HECTD4: variants seen among roughly 807,000 people sequenced by gnomAD.
HECTD4 encodes the protein HECT domain E3 ubiquitin protein ligase 4.
A neutral mutation model predicts 471.5 loss-of-function variants in HECTD4; 114 were observed. That is an observed-to-expected ratio of 0.24 (90% CI 0.21 to 0.28). The LOEUF is 0.28. Ranked by LOEUF, HECTD4 falls within the 10% of genes least tolerant of loss-of-function variation. HECTD4 has a pLI of 1.00. For synonymous variants in HECTD4, 2,012 were observed against 2,256.0 expected, an observed-to-expected ratio of 0.89 and a Z score of 3.07; for missense variants, 3,866 against 5,651.5, an observed-to-expected ratio of 0.68 and a Z score of 10.13.
At chr12:112,167,195 A>G in intron 72 of HECTD4, 122 bp downstream of exon 72, 1 of 809,440 alleles carries the variant, frequency 1.2e-6, no homozygotes, top group Admixed American at 2.7e-5. Context: ...TCACACCCCT[A>G]AGGTCCTCTG....
chr12:112,162,595 C>T lies in HECTD4; in HGVS notation c.13121-72G>A. The stretch of plus-strand genomic sequence containing the variant: ...AGGCTCCCAGGGAAGCTGGGCTGGC[C>T]TCTGCTTCCAGGTTTGCCTCCTTGG... On this transcript the variant is annotated intron_variant, in intron 75 of 75. Coordinates refer to ENST00000682272, the MANE Select transcript of HECTD4 (RefSeq NM_001388303.1). This position sits in a 1 kb window ranked among gnomAD's most constrained non-coding sequence, Gnocchi z 5.2. The T allele has an allele frequency of 6.3e-7, 1 of 1,594,430 alleles. No homozygotes were observed. The highest frequency in any genetic ancestry group is 8.6e-7 in the Non-Finnish European group (1 of 1,168,040).
At chr12:112,318,975 G>T (rs1240643366) in intron 2 of HECTD4, among the ~76,000 whole-genome samples, 1 of 152,176 alleles carries the variant, frequency 6.6e-6, no homozygotes, top group African/African-American at 2.4e-5. Flanking sequence ...TCCATTTTCT[G>T]CTGGTTAAGA....
At chr12:112,224,311 G>A (rs1266170159) in intron 44 of HECTD4, among the ~76,000 whole-genome samples, 3 of 151,516 alleles carry the variant, frequency 2.0e-5, no homozygotes, top group Non-Finnish European at 4.4e-5. Context: ...TGTTGCCCAG[G>A]CTGGAGTGCA....
chr12:112,336,116 C>T lies in HECTD4; in HGVS notation c.178-16374G>A, dbSNP rs536917239. On this transcript the variant is annotated intron_variant, in intron 1 of 75. Coordinates refer to ENST00000682272, the MANE Select transcript of HECTD4 (RefSeq NM_001388303.1). ...AAAGAAAAAATATATTAAACTATAT[C>T]ATGAGGATGAAATAAGCAAAATCTA... 7.2e-5 allele frequency among the ~76,000 whole-genome samples: 11 copies of T among 152,190 alleles called. 1 individual carries two copies. The East Asian group carries it at 1.7e-3, about 24-fold the overall frequency.
Position 112,228,269 on chromosome 12 carries a change from T to A in HECTD4, c.6685-11A>T. ...ATGAAGAGGCAATGCCTGATGGCGG[T>A]GGGGGGGCATGGCAAAAAGTTAAAT... On this transcript the variant is annotated splice_polypyrimidine_tract_variant and intron_variant, in intron 42 of 75. Transcript: ENST00000682272. This position sits in a 1 kb window ranked among gnomAD's most constrained non-coding sequence, Gnocchi z 4.9. 6.4e-7 allele frequency: 1 copy of A among 1,556,522 alleles called. No homozygotes were observed. The highest frequency in any genetic ancestry group is 8.7e-7 in the Non-Finnish European group (1 of 1,154,492).
intron 44 of HECTD4, among the ~76,000 whole-genome samples, chr12:112,220,942 C>A (rs556452572): frequency 1.3e-5 from 2 of 152,254 alleles, no homozygotes; most frequent in Admixed American, 6.5e-5. Context: ...TAGTGAGACC[C>A]CGTCTCTACA....
intron 7 of HECTD4, among the ~76,000 whole-genome samples, chr12:112,300,806 C>T (rs1441454095): frequency 6.6e-6 from 1 of 152,058 alleles, no homozygotes; most frequent in African/African-American, 2.4e-5. Context: ...CACTATGTTG[C>T]TCAGGCTGGT....
intron 40 of HECTD4, 60 bp from the exon 41 acceptor site, chr12:112,229,940 G>GTCAC (rs1287565260): frequency 6.8e-7 from 1 of 1,477,436 alleles, no homozygotes; most frequent in Non-Finnish European, 9.2e-7. Flanking sequence ...TGATGCCAAG[G>GTCAC]GTGATAAAGT....
intron 8 of HECTD4, among the ~76,000 whole-genome samples, chr12:112,281,705 A>G (rs1268885928): frequency 6.6e-6 from 1 of 152,230 alleles, no homozygotes; most frequent in Non-Finnish European, 1.5e-5. Flanking sequence ...ATATGGACTA[A>G]TAAGTATTTA....
intron 1 of HECTD4, among the ~76,000 whole-genome samples, chr12:112,327,138 G>A (rs2035760754): frequency 6.6e-6 from 1 of 152,098 alleles, no homozygotes; most frequent in African/African-American, 2.4e-5. Context: ...CCAGCCTGGT[G>A]AAACCCCGTC....
In HECTD4 at chr12:112,355,343, C is replaced by T. The variant is rs575037566; in HGVS notation, c.177+26609G>A. 6.7e-5 allele frequency among the ~76,000 whole-genome samples: 10 copies of T among 149,790 alleles called. No individual in the cohort carries two copies. In the South Asian group the frequency reaches 1.9e-3, roughly 29 times the overall value. ...AGGCACGGTGGCCGACACCTGTAAT[C>T]CCAGCTACTCGGGAGGCTGAGGCAG... On this transcript the variant is annotated intron_variant, in intron 1 of 75. Coordinates refer to ENST00000682272, the MANE Select transcript of HECTD4 (RefSeq NM_001388303.1).
rs375837445 is a variant in HECTD4, at chr12:112,229,632, C to CAATT, written c.6519+62_6519+65dup. 1.9e-5 allele frequency: 28 copies of CAATT among 1,444,218 alleles called. No homozygotes were observed. In the South Asian group the frequency reaches 3.6e-4, roughly 19 times the overall value. The allele number at this position is 1,444,218 out of a possible 1,614,324, so 89.5% of individuals were successfully genotyped here. On this transcript the variant is annotated intron_variant, in intron 41 of 75. Coordinates refer to ENST00000682272, the MANE Select transcript of HECTD4 (RefSeq NM_001388303.1). ...GGATAATACTTGTCTTACAGATGAT[C>CAATT]AATTAATTAATGGATGCTTATATAT...
chr12:112,185,989 T>C (rs1451532323), intron 60 of HECTD4, among the ~76,000 whole-genome samples: 1 of 152,192 alleles, frequency 6.6e-6, no homozygotes, highest in African/African-American at 2.4e-5. Context: ...ATTATTTATT[T>C]TATTTTTCTT....
chr12:112,307,897 T>G (rs965890773), intron 6 of HECTD4, among the ~76,000 whole-genome samples: 2 of 152,260 alleles, frequency 1.3e-5, no homozygotes, highest in African/African-American at 4.8e-5. Flanking sequence ...GTGCCGCTAC[T>G]ATTGGCTGTA....
chr12:112,279,302 G>C lies in HECTD4; in HGVS notation c.1613C>G (p.Pro538Arg). The change falls in exon 9 of 76, where the codon CCT becomes CGT. Residue 538 changes from proline to arginine, a missense_variant. Coordinates refer to ENST00000682272, the MANE Select transcript of HECTD4 (RefSeq NM_001388303.1). ...TCGTYLVMLVPPPGGSGSSAT... is the reference protein window; with the variant it reads ...TCGTYLVMLVRPPGGSGSSAT... ...AGAGCTGCCTGATCCCCCTGGAGGA[G>C]GCACCAGCATCACCAAGTAGGTGCC... is the stretch of plus-strand genomic sequence containing the variant. The C allele has an allele frequency of 6.2e-7, 1 of 1,613,308 alleles. No homozygotes were observed. The highest frequency in any genetic ancestry group is 8.5e-7 in the Non-Finnish European group (1 of 1,179,716).
At chr12:112,327,801 G>A (rs2035775582) in intron 1 of HECTD4, among the ~76,000 whole-genome samples, 1 of 152,212 alleles carries the variant, frequency 6.6e-6, no homozygotes, top group African/African-American at 2.4e-5. Context: ...TTTGGCAGCA[G>A]TTAATTTCAA....
intron 1 of HECTD4, among the ~76,000 whole-genome samples, chr12:112,366,038 A>C (rs1344610930): frequency 6.6e-6 from 1 of 152,028 alleles, no homozygotes; most frequent in Non-Finnish European, 1.5e-5. Flanking sequence ...AGCCTCCCAA[A>C]GTGCTGGGAT....
In HECTD4 at chr12:112,273,682, C is replaced by T; in HGVS notation, c.1915G>A (p.Val639Ile). Residue 639 changes from valine to isoleucine, a missense_variant, in exon 11 of 76, where the codon GTC becomes ATC. By Grantham distance (29) the Val-to-Ile change is conservative. Transcript: ENST00000682272. ...TTGGGCTCAGTGATAATGTGACTGA[C>T]TCCAAGTCTCTGGCAGACATAATGG... ...AFHYVCQRLGVSHIITEPKEE... is the reference protein window; with the variant it reads ...AFHYVCQRLGISHIITEPKEE... The T allele has an allele frequency of 6.2e-7, 1 of 1,614,004 alleles. No homozygotes were observed. Among genetic ancestry groups the T allele is most frequent in the Non-Finnish European group, 8.5e-7 (1 of 1,179,862 alleles).
chr12:112,196,720 A>G (rs1034338396), intron 55 of HECTD4, among the ~76,000 whole-genome samples: 8 of 152,120 alleles, frequency 5.3e-5, no homozygotes, highest in Non-Finnish European at 1.2e-4. Context: ...CCTCTTGAGT[A>G]GCTGGGACTA....
Sources: allele counts gnomAD v4.1 joint callset (sites outside exome capture counted in the v4.1 genomes callset), GRCh38; gene constraint gnomAD v4.1.1; non-coding constraint Gnocchi (gnomAD v3.1); transcripts MANE v1.5; gene names NCBI Gene and HGNC (gene_info 2026-07-23, HGNC 2026-07-21).